The following SPTLC2 variants were observed in gnomAD, a reference collection of about 807,000 sequenced individuals.
SPTLC2 encodes the protein serine palmitoyltransferase long chain base subunit 2.
A neutral mutation model predicts 62.0 loss-of-function variants in SPTLC2; 21 were observed. The ratio of observed to expected loss-of-function variants is 0.34; its 90% CI spans 0.24 to 0.49. SPTLC2 has a LOEUF of 0.49. Ranked by LOEUF, SPTLC2 falls within the 20% of genes least tolerant of loss-of-function variation. The probability of loss-of-function intolerance (pLI) is 0.99; values close to 1 mark genes in which losing one functional copy is unlikely to be tolerated. For missense variants in SPTLC2, 511 were observed against 713.0 expected (o/e 0.72, Z 3.23); for synonymous variants, 261 against 261.8 (o/e 1.00, Z 0.03).
chr14:77,553,455 G>C (rs1253615694), intron 8 of SPTLC2, among the ~76,000 whole-genome samples: 3 of 152,112 alleles, frequency 2.0e-5, no homozygotes, highest in Non-Finnish European at 4.4e-5. Flanking sequence ...AACCTGGCCA[G>C]GTGCAGTGGC....
chr14:77,600,224 C>T (rs981685049), intron 1 of SPTLC2, among the ~76,000 whole-genome samples: 1 of 152,166 alleles, frequency 6.6e-6, no homozygotes, highest in Non-Finnish European at 1.5e-5. Context: ...TTACCAAAGC[C>T]TTATTCAAAA....
At chr14:77,551,172 T>A (rs1594984471) in intron 9 of SPTLC2, among the ~76,000 whole-genome samples, 1 of 151,992 alleles carries the variant, frequency 6.6e-6, no homozygotes, top group East Asian at 1.9e-4. Flanking sequence ...GGAGGGCGGA[T>A]CACGAGGTCA....
intron 7 of SPTLC2, among the ~76,000 whole-genome samples, chr14:77,556,401 C>T (rs1306844794): frequency 6.6e-6 from 1 of 152,130 alleles, no homozygotes; most frequent in Non-Finnish European, 1.5e-5. Flanking sequence ...ATTAAGGTCA[C>T]AGCAGATTCT....
In SPTLC2 at chr14:77,616,544, G is replaced by T; in HGVS notation, c.36C>A (p.Arg12=). 6.5e-7 allele frequency: 1 copy of T among 1,536,132 alleles called. No individual in the cohort carries two copies. The highest frequency in any genetic ancestry group is 8.7e-7 in the Non-Finnish European group (1 of 1,146,794). ...RPEPGGCCCR[R]TVRANGCVAN... ...CCACGCAGCCATTCGCCCGCACCGT[G>T]CGGCGGCAGCAGCAGCCTCCGGGCT... The change falls in exon 1 of 12, where the codon CGC becomes CGA. Residue 12 remains arginine, a synonymous_variant. Transcript: ENST00000216484.
At chr14:77,518,821 T>C (rs949378431) in intron 10 of SPTLC2, among the ~76,000 whole-genome samples, 1 of 152,142 alleles carries the variant, frequency 6.6e-6, no homozygotes, top group Non-Finnish European at 1.5e-5. Context: ...ACACGTTTCT[T>C]TAATTGTCTT....
intron 1 of SPTLC2, among the ~76,000 whole-genome samples, chr14:77,611,744 T>G (rs2079939099): frequency 6.6e-6 from 1 of 151,514 alleles, no homozygotes; most frequent in Admixed American, 6.6e-5. Context: ...GAGAATCGCT[T>G]GAACCCGGGA....
chr14:77,581,679 T>C (rs1376623017), intron 2 of SPTLC2, among the ~76,000 whole-genome samples: 1 of 152,176 alleles, frequency 6.6e-6, no homozygotes, highest in Non-Finnish European at 1.5e-5. Context: ...CCCAAAGTGC[T>C]GGGATTAAAG....
intron 9 of SPTLC2, among the ~76,000 whole-genome samples, chr14:77,522,747 T>C (rs914203828): frequency 6.6e-6 from 1 of 152,194 alleles, no homozygotes; most frequent in African/African-American, 2.4e-5. Flanking sequence ...TTCTCAACCA[T>C]GAATACTCAT....
intron 11 of SPTLC2, among the ~76,000 whole-genome samples, chr14:77,514,568 C>A (rs1331465846): frequency 6.6e-6 from 1 of 152,184 alleles, no homozygotes; most frequent in Non-Finnish European, 1.5e-5. Context: ...GTAACCGAAT[C>A]CTCTAGGACA....
At chr14:77,584,796 G>GACACACACAC (rs149917156) in intron 2 of SPTLC2, among the ~76,000 whole-genome samples, 229 of 151,758 alleles carry the variant, frequency 1.5e-3, no homozygotes, top group African/African-American at 5.4e-3. Flanking sequence ...AAGACACACA[G>GACACACACAC]ACACACACAC....
chr14:77,557,207 A>G, intron 6 of SPTLC2, 61 bp from the exon 7 acceptor site: 7 of 1,358,664 alleles, frequency 5.2e-6, no homozygotes, highest in Non-Finnish European at 7.3e-6. Flanking sequence ...TTTATTCCGG[A>G]AATGCAGAGA....
intron 9 of SPTLC2, among the ~76,000 whole-genome samples, chr14:77,535,021 G>A (rs553230078): frequency 3.3e-4 from 50 of 152,154 alleles, no homozygotes; most frequent in Non-Finnish European, 3.8e-4. Flanking sequence ...TCCGCCTCCC[G>A]GGTTCAAGCG....
At chr14:77,615,006 A>G (rs373258280) in intron 1 of SPTLC2, among the ~76,000 whole-genome samples, 1 of 152,058 alleles carries the variant, frequency 6.6e-6, no homozygotes, top group East Asian at 1.9e-4. Context: ...AAAAAAAATC[A>G]TACCTCAATG....
At chr14:77,559,099 C>T (rs1400215110) in intron 6 of SPTLC2, among the ~76,000 whole-genome samples, 1 of 152,064 alleles carries the variant, frequency 6.6e-6, no homozygotes, top group Non-Finnish European at 1.5e-5. Context: ...GCGGGTGAAT[C>T]GCTTAAGGTC....
intron 9 of SPTLC2, chr14:77,535,811 G>T: frequency 2.9e-6 from 1 of 345,864 alleles, no homozygotes; most frequent in Non-Finnish European, 5.6e-6. Context: ...TGACTGGCTG[G>T]CTATTAAAAC....
intron 9 of SPTLC2, among the ~76,000 whole-genome samples, chr14:77,528,434 T>A (rs2079419793): frequency 1.3e-5 from 2 of 152,156 alleles, no homozygotes; most frequent in African/African-American, 4.8e-5. Flanking sequence ...TTTCTCCATG[T>A]TGATCAGGCT....
chr14:77,600,440 A>G (rs998486133), intron 1 of SPTLC2, among the ~76,000 whole-genome samples: 1 of 152,156 alleles, frequency 6.6e-6, no homozygotes, highest in African/African-American at 2.4e-5. Flanking sequence ...GAGAGAACAA[A>G]ATCACTTCAC....
chr14:77,537,550 G>A (rs1043442543), intron 9 of SPTLC2, among the ~76,000 whole-genome samples: 2 of 151,940 alleles, frequency 1.3e-5, no homozygotes, highest in Admixed American at 1.3e-4. Flanking sequence ...TTATGTATTC[G>A]AACTAATTTA....
chr14:77,552,980 A>T, intron 8 of SPTLC2, among the ~76,000 whole-genome samples: 1 of 152,174 alleles, frequency 6.6e-6, no homozygotes. Flanking sequence ...GTTCTCTAAC[A>T]TCAACTTTAA....
Sources: gnomAD v4.1 joint callset for allele counts (sites outside exome capture counted in the v4.1 genomes callset) on GRCh38, gnomAD v4.1.1 for gene constraint, MANE v1.5 for transcripts, NCBI Gene and HGNC (gene_info 2026-07-23, HGNC 2026-07-21) for gene names.